LIN28B: variants seen among roughly 807,000 people sequenced by gnomAD.
The protein encoded by LIN28B is protein lin-28 homolog B.
A neutral mutation model predicts 21.9 loss-of-function variants in LIN28B; 5 were observed. The observed-to-expected ratio is 0.23, with a 90% CI of 0.12 to 0.48. LIN28B has a LOEUF of 0.48. Ranked by LOEUF, LIN28B falls within the 20% of genes least tolerant of loss-of-function variation. The pLI is 0.98. For missense variants in LIN28B, 245 were observed against 310.5 expected (o/e 0.79, Z 1.58); for synonymous variants, 109 against 111.3 (o/e 0.98, Z 0.13).
At chr6:104,940,235 C>G (rs1436625505) in intron 2 of LIN28B, 3 of 168,784 alleles carry the variant, frequency 1.8e-5, no homozygotes, top group Non-Finnish European at 4.4e-5. Flanking sequence ...GAAAAGAAGA[C>G]CTGGGCTTCA....
intron 2 of LIN28B, among the ~76,000 whole-genome samples, chr6:105,025,914 ATAT>A (rs1771279299): frequency 6.6e-6 from 1 of 151,980 alleles, no homozygotes; most frequent in South Asian, 2.1e-4. Flanking sequence ...TGGTGCTATT[ATAT>A]TAATAATTTA....
At chr6:105,069,701 A>G (rs1772293562) in intron 3 of LIN28B, among the ~76,000 whole-genome samples, 1 of 152,158 alleles carries the variant, frequency 6.6e-6, no homozygotes, top group Admixed American at 6.5e-5. Context: ...AAAAAAAAAA[A>G]AGCTGTAAGT....
At chr6:105,064,411 A>G (rs551063394) in intron 3 of LIN28B, among the ~76,000 whole-genome samples, 1 of 152,306 alleles carries the variant, frequency 6.6e-6, no homozygotes, top group South Asian at 2.1e-4. Context: ...GCCCCTCTGT[A>G]AAGAAAAATG....
chr6:104,999,604 C>T (rs1043500187), intron 2 of LIN28B, among the ~76,000 whole-genome samples: 3 of 152,164 alleles, frequency 2.0e-5, no homozygotes, highest in African/African-American at 7.2e-5. Context: ...TCATGAACAT[C>T]AATGTAATGG....
At chr6:104,953,788 G>A (rs1248421292), upstream of LIN28B, among the ~76,000 whole-genome samples, 1 of 152,148 alleles carries the variant, frequency 6.6e-6, no homozygotes, top group Non-Finnish European at 1.5e-5. Context: ...TACAGACCCC[G>A]CCTTATTTGC....
chr6:105,057,984 A>T (rs1582924555), intron 3 of LIN28B: 2 of 301,466 alleles, frequency 6.6e-6, no homozygotes, highest in Non-Finnish European at 1.3e-5. Context: ...GGCTGTATGC[A>T]GCTCATGGTC....
intron 3 of LIN28B, among the ~76,000 whole-genome samples, chr6:105,052,748 T>G (rs908765157): frequency 6.6e-6 from 1 of 152,210 alleles, no homozygotes; most frequent in Non-Finnish European, 1.5e-5. Flanking sequence ...CTTTTTTCAT[T>G]GCTGATAATG....
At chr6:105,034,607 G>A (rs1409293056) in intron 3 of LIN28B, among the ~76,000 whole-genome samples, 3 of 151,980 alleles carry the variant, frequency 2.0e-5, no homozygotes, top group Non-Finnish European at 4.4e-5. Flanking sequence ...AACATTCCTT[G>A]TAGTCAGTAC....
rs140874972 is a variant in LIN28B at position 105,039,557 on chromosome 6, A to G, written c.383+13075A>G. Reference sequence around the variant, plus strand: ...AAATGATATTATGTATTATGTATGGATACTTACATGTGTGGCAAAAATGTG... The same window carrying G: ...AAATGATATTATGTATTATGTATGGGTACTTACATGTGTGGCAAAAATGTG... On this transcript the variant is annotated intron_variant, in intron 3 of 3. Coordinates refer to ENST00000345080, the MANE Select transcript of LIN28B (RefSeq NM_001004317.4). 1.8e-3 allele frequency among the ~76,000 whole-genome samples: 277 copies of G among 152,204 alleles called. 1 individual carries two copies. The highest frequency in any genetic ancestry group is 6.3e-3 in the African/African-American group (263 of 41,574).
intron 2 of LIN28B, among the ~76,000 whole-genome samples, chr6:104,960,431 T>G (rs1769709675): frequency 6.6e-6 from 1 of 152,106 alleles, no homozygotes; most frequent in Non-Finnish European, 1.5e-5. Context: ...CTTTTTAGTT[T>G]TATAAGCATT....
intron 2 of LIN28B, among the ~76,000 whole-genome samples, chr6:104,968,379 T>A (rs759897768): frequency 1.3e-5 from 2 of 152,228 alleles, no homozygotes; most frequent in South Asian, 4.1e-4. Flanking sequence ...TATTAAAATA[T>A]GTTTTTCACA....
intron 3 of LIN28B, among the ~76,000 whole-genome samples, chr6:105,054,125 AGT>A (rs1235503594): frequency 6.6e-6 from 1 of 152,192 alleles, no homozygotes; most frequent in African/African-American, 2.4e-5. Flanking sequence ...AGATGTAATT[AGT>A]GTGTGTTTTT....
chr6:105,031,216 C>T (rs1227755685), intron 3 of LIN28B, among the ~76,000 whole-genome samples: 1 of 151,886 alleles, frequency 6.6e-6, no homozygotes, highest in East Asian at 1.9e-4. Context: ...CTGTAACCAC[C>T]GTTATTTATT....
rs1200493213 is a variant in LIN28B at position 104,989,422 on chromosome 6, C to T, written c.198+31136C>T. Among the ~76,000 whole-genome samples, 4 of 152,082 alleles carry T rather than the reference C, an allele frequency of 2.6e-5. No homozygotes were observed. The East Asian group carries it at 7.7e-4, about 29-fold the overall frequency. ...AATTTTAGTAGAGCCAGGGTTGTGC[C>T]ATGTTGACCAGGCTAGTCTCAATCT... On this transcript the variant is annotated intron_variant, in intron 2 of 3. Coordinates refer to ENST00000345080, the MANE Select transcript of LIN28B (RefSeq NM_001004317.4).
chr6:105,064,168 AAAG>A (rs1367552923), intron 3 of LIN28B, among the ~76,000 whole-genome samples: 2 of 152,208 alleles, frequency 1.3e-5, no homozygotes, highest in African/African-American at 2.4e-5. Flanking sequence ...AATTTTCAAA[AAAG>A]GCAGCATTAT....
intron 3 of LIN28B, among the ~76,000 whole-genome samples, chr6:105,029,082 G>T (rs900551227): frequency 6.6e-6 from 1 of 152,182 alleles, no homozygotes; most frequent in African/African-American, 2.4e-5. Flanking sequence ...AGTCATTATT[G>T]AGGTCTGAGG....
At chr6:105,056,156 T>C (rs1772018566) in intron 3 of LIN28B, among the ~76,000 whole-genome samples, 1 of 152,058 alleles carries the variant, frequency 6.6e-6, no homozygotes, top group Non-Finnish European at 1.5e-5. Context: ...GATAGCGATT[T>C]TGAGTTATTT....
In LIN28B at chr6:104,957,221, G is replaced by C. The variant is rs763054364; in HGVS notation, c.-30G>C. ...TCCAAAGGGAAAGTTTTCATCTCAC[G>C]AGTTTGGAGCTGAGGGCCCGTGGGG... On this transcript the variant is annotated 5_prime_UTR_variant, in exon 1 of 4. Coordinates refer to ENST00000345080, the MANE Select transcript of LIN28B (RefSeq NM_001004317.4). The C allele has an allele frequency of 6.2e-7, 1 of 1,613,810 alleles. No homozygotes were observed. Among genetic ancestry groups the C allele is most frequent in the Non-Finnish European group, 8.5e-7 (1 of 1,179,768 alleles).
intron 3 of LIN28B, among the ~76,000 whole-genome samples, chr6:105,072,538 G>A (rs1176561168): frequency 6.6e-6 from 1 of 152,052 alleles, no homozygotes; most frequent in Admixed American, 6.6e-5. Context: ...AGATCCAAAT[G>A]AAAACTTTTC....
Sources: allele counts gnomAD v4.1 joint callset (sites outside exome capture counted in the v4.1 genomes callset), GRCh38; gene constraint gnomAD v4.1.1; transcripts MANE v1.5; gene names NCBI Gene and HGNC (gene_info 2026-07-23, HGNC 2026-07-21).